The following ZNF836 variants were observed in gnomAD, a reference collection of about 807,000 sequenced individuals.
The protein encoded by ZNF836 is zinc finger protein 836.
ZNF836 carries 12 observed loss-of-function variants against 7.4 expected under a neutral mutation model. The ratio of observed to expected loss-of-function variants is 1.61; its 90% CI spans 1.03 to 2.61. The LOEUF (loss-of-function observed/expected upper bound fraction) is 2.61, where lower values mean the gene tolerates loss of function less well. Among genes scored for constraint, ZNF836 ranks in the 30% most tolerant of loss-of-function variants. The probability of loss-of-function intolerance (pLI) is 0.00; values close to 1 mark genes in which losing one functional copy is unlikely to be tolerated. For missense variants in ZNF836, 998 were observed against 1,126.2 expected, an observed-to-expected ratio of 0.89 and a Z score of 1.63; for synonymous variants, 365 against 382.6, an observed-to-expected ratio of 0.95 and a Z score of 0.54.
rs1185722923 is a variant in ZNF836 at position 52,156,119 on chromosome 19, T to C, written c.1564A>G (p.Arg522Gly). 5 of 1,614,084 alleles carry C rather than the reference T, an allele frequency of 3.1e-6. No homozygotes were observed. Among genetic ancestry groups the C allele is most frequent in the Non-Finnish European group, 4.2e-6 (5 of 1,179,948 alleles). Residue 522 changes from arginine (R) to glycine (G), a missense_variant, in exon 5 of 5, where the codon AGA becomes GGA. Arg to Gly is a moderately radical substitution (Grantham distance 125). Transcript: ENST00000682614. ...TCACCGCATTGGTAACGTTTCTCTC[T>C]GGTATGAATTATCTTATGTCGAGTG... ...LLTRHKIIHT[R>G]EKRYQCGECG...
chr19:52,167,405 G>A (rs2089274584), intron 3 of ZNF836, among the ~76,000 whole-genome samples: 1 of 142,192 alleles, frequency 7.0e-6, no homozygotes, highest in Non-Finnish European at 1.5e-5. Flanking sequence ...CAGGGAGGTG[G>A]AGGTTGCAGT....
intron 3 of ZNF836, among the ~76,000 whole-genome samples, chr19:52,164,946 T>C (rs936295247): frequency 2.0e-5 from 3 of 151,978 alleles, no homozygotes; most frequent in African/African-American, 7.2e-5. Context: ...AAAAATTAGC[T>C]GGGTATGGTG....
In ZNF836 at chr19:52,155,534, T is replaced by G. The variant is rs775753387; in HGVS notation, c.2149A>C (p.Thr717Pro). The G allele has an allele frequency of 4.3e-6, 7 of 1,613,988 alleles. No homozygotes were observed. The East Asian group carries it at 1.1e-4, about 26-fold the overall frequency. Residue 717 changes from threonine (T) to proline (P), a missense_variant, in exon 5 of 5, where the codon ACT (threonine) becomes CCT (proline). Transcript: ENST00000682614. Reference sequence around the variant, plus strand: ...CTACATTTGTGTGGTTTCTCCCCAGTAGGATTTCTGTGATATCTTGCAAGT... The same window carrying G: ...CTACATTTGTGTGGTTTCTCCCCAGGAGGATTTCTGTGATATCTTGCAAGT... ...SKLARYHRNPTGEKPHKCSHC... is the reference protein window; with the variant it reads ...SKLARYHRNPPGEKPHKCSHC...
Position 52,154,849 on chromosome 19 carries a change from C to A in ZNF836, c.*23G>T, listed in dbSNP as rs775304113. 1 of 1,475,880 alleles carries A rather than the reference C, an allele frequency of 6.8e-7. No homozygotes were observed. The highest frequency in any genetic ancestry group is 2.3e-5 in the East Asian group (1 of 42,796). The allele number at this position is 1,475,880 out of a possible 1,614,324, so 91.4% of individuals were successfully genotyped here. A position where few individuals can be genotyped will look rare whatever the true frequency, so the allele number is the denominator to read the frequency against. ...ATTTCAGACGGAAGTGACAAATATA[C>A]AAGCTATATCAATAAGTATGAATTA... On this transcript the variant is annotated 3_prime_UTR_variant, in exon 5 of 5. Coordinates refer to ENST00000682614, the MANE Select transcript of ZNF836 (RefSeq NM_001102657.3).
chr19:52,164,762 T>G (rs1419440621), intron 3 of ZNF836, among the ~76,000 whole-genome samples: 1 of 152,184 alleles, frequency 6.6e-6, no homozygotes, highest in Non-Finnish European at 1.5e-5. Flanking sequence ...TACTTAACTG[T>G]AAGTAAACAA....
rs780482942 is a variant in ZNF836 at position 52,157,538 on chromosome 19, T to C, written c.145A>G (p.Ile49Val). The C allele has an allele frequency of 9.3e-6, 14 of 1,498,786 alleles. No homozygotes were observed. In the East Asian group the frequency reaches 2.5e-4, roughly 27 times the overall value. 92.8% of individuals were successfully genotyped at this position (1,498,786 alleles called of 1,614,324 possible). The change falls in exon 5 of 5, where the codon ATC becomes GTC. Residue 49 changes from isoleucine (I) to valine (V), a missense_variant and splice_region_variant. Ile to Val is a conservative substitution (Grantham distance 29). Coordinates refer to ENST00000682614, the MANE Select transcript of ZNF836 (RefSeq NM_001102657.3). ...TCCTTGGTCATACATTTAGGAAGGA[T>C]ACCTACAAAATATAATGAACATGGG... ...ENYRNLVFLG[I>V]LPKCMTKELP...
Position 52,156,472 on chromosome 19 carries a change from T to C in ZNF836, c.1211A>G (p.His404Arg). 6.2e-7 allele frequency: 1 copy of C among 1,614,106 alleles called. No individual in the cohort carries two copies. The highest frequency in any genetic ancestry group is 8.5e-7 in the Non-Finnish European group (1 of 1,179,938). ...SFSQSSNLAT[H>R]QTVHSGNKPY... ...TTTGTTTCCACTATGAACTGTCTGA[T>C]GAGTTGCCAGGTTGGAACTTTGACT... The change falls in exon 5 of 5, where the codon CAT becomes CGT. Residue 404 changes from histidine (H) to arginine (R), a missense_variant. His to Arg is a conservative substitution (Grantham distance 29). Transcript: ENST00000682614.
At position 52,155,212 on chromosome 19, in the gene ZNF836, T is replaced by C. The variant is rs751640132; in HGVS notation, c.2471A>G (p.His824Arg). 1.2e-6 allele frequency: 2 copies of C among 1,614,130 alleles called. No individual in the cohort carries two copies. Among genetic ancestry groups the C allele is most frequent in the East Asian group, 4.5e-5 (2 of 44,892 alleles). The change falls in exon 5 of 5, where the codon CAT becomes CGT. Residue 824 changes from histidine to arginine, a missense_variant. Coordinates refer to ENST00000682614, the MANE Select transcript of ZNF836 (RefSeq NM_001102657.3). ...AFRVRSILVN[H>R]QKMHTGDKPY... ...TTTGTCCCCAGTATGCATTTTCTGA[T>C]GATTAACCAGAATTGAACGCACTCT...
At position 52,168,425 on chromosome 19, in the gene ZNF836, TA is replaced by T. The variant is rs910914364; in HGVS notation, c.-80-274del. 3.5e-3 allele frequency among the ~76,000 whole-genome samples: 537 copies of T among 152,110 alleles called. 2 individuals are homozygous for T. Among genetic ancestry groups the T allele is most frequent in the African/African-American group, 0.013 (522 of 41,484 alleles). ...CAACACAGTGAAACCCTGTCTCTAC[TA>T]AAAATACAAAAATTAGCCGGGTGTG... is the stretch of plus-strand genomic sequence containing the variant. On this transcript the variant is annotated intron_variant, in intron 2 of 4. Coordinates refer to ENST00000682614, the MANE Select transcript of ZNF836 (RefSeq NM_001102657.3).
rs753761030 is a variant in ZNF836 at position 52,155,550 on chromosome 19, T to C, written c.2133A>G (p.Arg711=). The change falls in exon 5 of 5, where the codon AGA becomes AGG. Residue 711 remains arginine, a synonymous_variant. Transcript: ENST00000682614. ...TCTCCCCAGTAGGATTTCTGTGATA[T>C]CTTGCAAGTTTTGAACTTTGGATAA... is the stretch of plus-strand genomic sequence containing the variant. ...GAFIQSSKLA[R]YHRNPTGEKP... The C allele has an allele frequency of 3.7e-6, 6 of 1,613,934 alleles. No individual in the cohort carries two copies. In the South Asian group the frequency reaches 4.4e-5, roughly 12 times the overall value.
chr19:52,157,114 T>G lies in ZNF836; in HGVS notation c.569A>C (p.Asn190Thr). Reference protein sequence around the residue: ...LQRILPSVQTNISKKYENEFL... With the variant: ...LQRILPSVQTTISKKYENEFL... ...CTCATTCTCATATTTTTTAGAAATG[T>G]TGGTTTGGACACTAGGAAGAATTCT... Residue 190 changes from asparagine (N) to threonine (T), a missense_variant, in exon 5 of 5, where the codon AAC becomes ACC. Transcript: ENST00000682614. 6.2e-7 allele frequency: 1 copy of G among 1,613,886 alleles called. No individual in the cohort carries two copies. The highest frequency in any genetic ancestry group is 8.5e-7 in the Non-Finnish European group (1 of 1,179,842).
rs61744685 is a variant in ZNF836 at position 52,154,978 on chromosome 19, C to T, written c.2705G>A (p.Arg902His). 0.013 allele frequency: 21,342 copies of T among 1,609,450 alleles called. 169 individuals are homozygous for T. Among genetic ancestry groups the T allele is most frequent in the Non-Finnish European group, 0.017 (19,482 of 1,177,338 alleles). The stretch of plus-strand genomic sequence containing the variant: ...TGTCTGATGTTTAGTGAGGCCTGAG[C>T]GACTAATGAAAGATTTGCCACACTC... Reference protein sequence around the residue: ...CNECGKSFISRSGLTKHQTKH... With the variant: ...CNECGKSFISHSGLTKHQTKH... Residue 902 changes from arginine to histidine, a missense_variant, in exon 5 of 5, where the codon CGC becomes CAC. Arg to His is a conservative substitution (Grantham distance 29). Transcript: ENST00000682614.
intron 3 of ZNF836, among the ~76,000 whole-genome samples, chr19:52,164,834 T>C (rs571284569): frequency 6.6e-6 from 1 of 152,200 alleles, no homozygotes; most frequent in Non-Finnish European, 1.5e-5. Context: ...ATGCCTGTAA[T>C]CCCAGCACTT....
At position 52,157,030 on chromosome 19, in the gene ZNF836, T is replaced by A. The variant is rs745637404; in HGVS notation, c.653A>T (p.Tyr218Phe). ...LEKTHIREKPYMCKGCGKAFR... is the reference protein window; with the variant it reads ...LEKTHIREKPFMCKGCGKAFR... ...GGCTTTGCCACACCCTTTACACATA[T>A]AAGGTTTTTCCCTAATGTGTGTTTT... Residue 218 changes from tyrosine to phenylalanine, a missense_variant, in exon 5 of 5, where the codon TAT (tyrosine) becomes TTT (phenylalanine). Coordinates refer to ENST00000682614, the MANE Select transcript of ZNF836 (RefSeq NM_001102657.3). 4.3e-6 allele frequency: 7 copies of A among 1,614,000 alleles called. No individual in the cohort carries two copies. The highest frequency in any genetic ancestry group is 2.5e-6 in the Non-Finnish European group (3 of 1,179,988).
chr19:52,165,801 T>C (rs2089257475), intron 3 of ZNF836, among the ~76,000 whole-genome samples: 1 of 152,244 alleles, frequency 6.6e-6, no homozygotes, highest in Admixed American at 6.5e-5. Flanking sequence ...CTACTATGTT[T>C]CTTTTAGATG....
chr19:52,165,334 T>C (rs976126755), intron 3 of ZNF836: 1 of 152,332 alleles, frequency 6.6e-6, no homozygotes, highest in Non-Finnish European at 1.5e-5. Context: ...CACGGTGACA[T>C]TCTTTGTAAC....
intron 3 of ZNF836, among the ~76,000 whole-genome samples, chr19:52,164,334 A>G (rs1397099885): frequency 6.7e-6 from 1 of 149,998 alleles, no homozygotes; most frequent in Non-Finnish European, 1.5e-5. Flanking sequence ...CAGAGGTTGC[A>G]GTGAGCTGAG....
chr19:52,162,532 G>A (rs1323985808), intron 3 of ZNF836, among the ~76,000 whole-genome samples: 1 of 152,226 alleles, frequency 6.6e-6, no homozygotes, highest in African/African-American at 2.4e-5. Flanking sequence ...AACAAAGCGG[G>A]TGAACGCGGG....
chr19:52,162,910 A>C (rs1053022632), intron 3 of ZNF836, among the ~76,000 whole-genome samples: 2 of 152,174 alleles, frequency 1.3e-5, no homozygotes, highest in African/African-American at 4.8e-5. Context: ...TGCTAAGTTG[A>C]TCACGATCCC....
Sources: gnomAD v4.1 joint callset for allele counts (sites outside exome capture counted in the v4.1 genomes callset) on GRCh38, gnomAD v4.1.1 for gene constraint, MANE v1.5 for transcripts, NCBI Gene and HGNC (gene_info 2026-07-23, HGNC 2026-07-21) for gene names.